The following BIRC6 variants were observed in gnomAD, a reference collection of about 807,000 sequenced individuals.
The protein encoded by BIRC6 is dual E2 ubiquitin-conjugating enzyme/E3 ubiquitin-protein ligase BIRC6.
A neutral mutation model predicts 503.3 loss-of-function variants in BIRC6; 98 were observed. That is an observed-to-expected ratio of 0.19 (90% CI 0.17 to 0.23). BIRC6 has a LOEUF of 0.23. Ranked by LOEUF, BIRC6 falls within the 10% of genes least tolerant of loss-of-function variation. BIRC6 has a pLI of 1.00. For missense variants in BIRC6, 5,360 were observed against 5,806.0 expected, an observed-to-expected ratio of 0.92 and a Z score of 2.50; for synonymous variants, 2,240 against 2,078.7, an observed-to-expected ratio of 1.08 and a Z score of -2.11.
chr2:32,358,634 C>T (rs987851468), intron 1 of BIRC6, among the ~76,000 whole-genome samples: 1 of 151,986 alleles, frequency 6.6e-6, no homozygotes, highest in African/African-American at 2.4e-5. Context: ...TTAACGTAGA[C>T]GAACAAGGAA....
At chr2:32,616,734 G>A (rs1045117653) in intron 73 of BIRC6, among the ~76,000 whole-genome samples, 20 of 151,758 alleles carry the variant, frequency 1.3e-4, no homozygotes, top group African/African-American at 4.1e-4. Flanking sequence ...TTTAATTTAC[G>A]GATTTGTCTT....
At chr2:32,571,223 C>G (rs899245232) in intron 65 of BIRC6, among the ~76,000 whole-genome samples, 3 of 151,904 alleles carry the variant, frequency 2.0e-5, no homozygotes, top group Admixed American at 2.0e-4. Context: ...TTTATTATAT[C>G]TTTGCCTGGT....
At chr2:32,434,317 GT>G (rs1359977504) in intron 13 of BIRC6, among the ~76,000 whole-genome samples, 3 of 152,140 alleles carry the variant, frequency 2.0e-5, no homozygotes, top group African/African-American at 4.8e-5. Context: ...TCCTTAATAA[GT>G]TAGTTTAAGA....
intron 33 of BIRC6, among the ~76,000 whole-genome samples, chr2:32,473,653 A>G (rs2049347069): frequency 7.0e-6 from 1 of 143,292 alleles, no homozygotes; most frequent in Admixed American, 7.1e-5. Context: ...CCCTCTATCT[A>G]GCTTCCAGAT....
intron 65 of BIRC6, among the ~76,000 whole-genome samples, chr2:32,570,573 A>T (rs2059846743): frequency 6.6e-6 from 1 of 152,052 alleles, no homozygotes; most frequent in Non-Finnish European, 1.5e-5. Context: ...ATCCTGGCTC[A>T]CTGCAACCTC....
intron 35 of BIRC6, among the ~76,000 whole-genome samples, chr2:32,477,920 T>G (rs1297405175): frequency 6.6e-6 from 1 of 152,168 alleles, no homozygotes; most frequent in East Asian, 1.9e-4. Context: ...GAAATCTGAT[T>G]TATATTTTAA....
chr2:32,524,491 G>A (rs1304056867), intron 57 of BIRC6, among the ~76,000 whole-genome samples: 1 of 152,124 alleles, frequency 6.6e-6, no homozygotes, highest in Non-Finnish European at 1.5e-5. Flanking sequence ...TTCTAAGGCT[G>A]TTTCTTCATT....
At chr2:32,384,903 G>A (rs1023540242) in intron 3 of BIRC6, among the ~76,000 whole-genome samples, 2 of 152,196 alleles carry the variant, frequency 1.3e-5, no homozygotes. Flanking sequence ...TATTTCATAC[G>A]TATTTTTACC....
rs1273314085 is a variant in BIRC6 at position 32,525,506 on chromosome 2, C to T, written c.11798C>T (p.Pro3933Leu). The T allele has an allele frequency of 6.2e-7, 1 of 1,613,870 alleles. No individual in the cohort carries two copies. Among genetic ancestry groups the T allele is most frequent in the Non-Finnish European group, 8.5e-7 (1 of 1,179,882 alleles). Residue 3933 changes from proline to leucine, a missense_variant, in exon 59 of 74, where the codon CCT becomes CTT. Pro to Leu is a moderately conservative substitution (Grantham distance 98, BLOSUM62 -3). This residue lies in a region of BIRC6 where 878 missense variants were observed against 928.9 expected (regional missense o/e 0.95). Coordinates refer to ENST00000421745, the MANE Select transcript of BIRC6 (RefSeq NM_016252.4). ...QSKRAVSATPPRPPSRRGRTI... is the reference protein window; with the variant it reads ...QSKRAVSATPLRPPSRRGRTI... ...AAACGTGCTGTGTCAGCTACACCAC[C>T]TCGCCCACCATCCAGGAGGGGGAGG... is the stretch of plus-strand genomic sequence containing the variant.
Position 32,388,791 on chromosome 2 carries a change from G to C in BIRC6, c.687G>C (p.Lys229Asn). The C allele has an allele frequency of 6.2e-7, 1 of 1,611,274 alleles. No homozygotes were observed. The highest frequency in any genetic ancestry group is 8.5e-7 in the Non-Finnish European group (1 of 1,178,928). The change falls in exon 4 of 74, where the codon AAG becomes AAC. Residue 229 changes from lysine (K) to asparagine (N), a missense_variant. Transcript: ENST00000421745. ...VTFHLPHHVL[K>N]SIASAIVNEL... ...TTCATCTTCCTCATCATGTGTTGAA[G>C]TCCATTGCCAGTGCCATTGTAAATG...
intron 3 of BIRC6, among the ~76,000 whole-genome samples, chr2:32,382,242 C>G (rs935142701): frequency 7.2e-5 from 11 of 152,174 alleles, no homozygotes; most frequent in Admixed American, 1.3e-4. Flanking sequence ...AACTCAGGAG[C>G]TTGGACGAGG....
chr2:32,608,306 A>T (rs566469953), intron 72 of BIRC6, among the ~76,000 whole-genome samples: 10 of 152,048 alleles, frequency 6.6e-5, no homozygotes, highest in African/African-American at 2.4e-4. Context: ...ATGGTAGTAG[A>T]TAGTACAGAT....
intron 1 of BIRC6, among the ~76,000 whole-genome samples, chr2:32,360,577 A>G (rs17011936): frequency 0.029 from 4,469 of 152,264 alleles, 95 homozygotes; most frequent in Middle Eastern, 0.082. Flanking sequence ...GAATGCACCA[A>G]TTCGCTCCAG....
intron 49 of BIRC6, among the ~76,000 whole-genome samples, chr2:32,503,488 A>G (rs2053434584): frequency 6.6e-6 from 1 of 152,090 alleles, no homozygotes; most frequent in Admixed American, 6.5e-5. Flanking sequence ...CAATGGCGTG[A>G]TCTCAGCTCA....
chr2:32,592,161 A>C lies in BIRC6; in HGVS notation c.13356-1754A>C, dbSNP rs573056399. On this transcript the variant is annotated intron_variant, in intron 66 of 73. Coordinates refer to ENST00000421745, the MANE Select transcript of BIRC6 (RefSeq NM_016252.4). ...AAAACATATATTCAGATACATGTAC[A>C]TAGACGACAGTTGATGACTGAAATG... is the stretch of plus-strand genomic sequence containing the variant. 2.0e-5 allele frequency among the ~76,000 whole-genome samples: 3 copies of C among 152,332 alleles called. No individual in the cohort carries two copies. In the East Asian group the frequency reaches 5.8e-4, roughly 29 times the overall value.
chr2:32,563,988 G>T (rs527554826), intron 65 of BIRC6: 20 of 152,592 alleles, frequency 1.3e-4, no homozygotes, highest in African/African-American at 4.3e-4. Context: ...TAAGACAGGA[G>T]AATCGCTTGA....
At position 32,599,326 on chromosome 2, in the gene BIRC6, TAA is replaced by T. The variant is rs61611664; in HGVS notation, c.13831-397_13831-396del. On this transcript the variant is annotated intron_variant, in intron 69 of 73. Coordinates refer to ENST00000421745, the MANE Select transcript of BIRC6 (RefSeq NM_016252.4). ...CCTGGGCCACCAAGTGAGACTGTCTTAAAAAAAAAAAAAAAAAGCTGTTCTTA... is the reference window on the plus strand; with the variant it reads ...CCTGGGCCACCAAGTGAGACTGTCTTAAAAAAAAAAAAAAAGCTGTTCTTA... 1.6e-3 allele frequency among the ~76,000 whole-genome samples: 200 copies of T among 121,598 alleles called. 1 individual carries two copies. The highest frequency in any genetic ancestry group is 6.1e-3 in the East Asian group (26 of 4,282). 79.8% of individuals were successfully genotyped at this position (121,598 alleles called of 152,430 possible).
At chr2:32,467,872 A>G (rs1558811033) in intron 27 of BIRC6, 31 bp from the exon 28 acceptor site, 3 of 1,538,988 alleles carry the variant, frequency 1.9e-6, no homozygotes, top group Non-Finnish European at 2.7e-6. Flanking sequence ...GCAGATGTGT[A>G]TATATGTATA....
At chr2:32,562,241 T>G (rs1438658832) in intron 65 of BIRC6, among the ~76,000 whole-genome samples, 1 of 152,168 alleles carries the variant, frequency 6.6e-6, no homozygotes, top group Non-Finnish European at 1.5e-5. Context: ...ACCTTCATAA[T>G]AATTTAATTT....
Sources: gnomAD v4.1 joint callset for allele counts (sites outside exome capture counted in the v4.1 genomes callset) on GRCh38, gnomAD v4.1.1 for gene constraint, gnomAD v4.1.1 regional missense constraint, MANE v1.5 for transcripts, NCBI Gene and HGNC (gene_info 2026-07-23, HGNC 2026-07-21) for gene names.